GAS2: variants seen among roughly 807,000 people sequenced by gnomAD.
The protein encoded by GAS2 is growth arrest specific 2.
Under a neutral mutation model 37.5 loss-of-function variants are expected in GAS2, and 20 were observed. The observed-to-expected ratio is 0.53, with a 90% CI of 0.37 to 0.77. The LOEUF (loss-of-function observed/expected upper bound fraction) is 0.77, where lower values mean the gene tolerates loss of function less well. Ranked by LOEUF, GAS2 falls within the 30% of genes least tolerant of loss-of-function variation. The pLI is 0.00. For synonymous variants in GAS2, 144 were observed against 132.2 expected (o/e 1.09, Z -0.61); for missense variants, 336 against 373.4 (o/e 0.90, Z 0.82).
intron 1 of GAS2, among the ~76,000 whole-genome samples, chr11:22,659,609 T>G (rs1315763390): frequency 6.6e-6 from 1 of 152,224 alleles, no homozygotes; most frequent in African/African-American, 2.4e-5. Flanking sequence ...TTCTCTGTGA[T>G]GTGGAATCTT....
At chr11:22,638,640 G>A (rs531130370) in intron 1 of GAS2, among the ~76,000 whole-genome samples, 2 of 152,000 alleles carry the variant, frequency 1.3e-5, no homozygotes, top group East Asian at 1.9e-4. Context: ...GCCGTTGCAC[G>A]CAGCTTGCTA....
At chr11:22,754,565 T>C (rs1853920306) in intron 6 of GAS2, among the ~76,000 whole-genome samples, 1 of 151,974 alleles carries the variant, frequency 6.6e-6, no homozygotes, top group African/African-American at 2.4e-5. Flanking sequence ...TAATTGTACA[T>C]GCGATAAATT....
At chr11:22,669,457 A>G (rs1296030742) in intron 1 of GAS2, among the ~76,000 whole-genome samples, 2 of 152,180 alleles carry the variant, frequency 1.3e-5, no homozygotes, top group Non-Finnish European at 1.5e-5. Flanking sequence ...TTTTTAAATC[A>G]TGATTTGAGA....
At position 22,637,168 on chromosome 11, in the gene GAS2, A is replaced by G. The variant is rs959834933; in HGVS notation, c.-21+11355A>G. ...AATATATTACTTATGTTAATATTAT[A>G]TTAATATATTACTTATGTTAATATT... On this transcript the variant is annotated intron_variant, in intron 1 of 5. Transcript: ENST00000528582. 3.8e-3 allele frequency among the ~76,000 whole-genome samples: 474 copies of G among 125,108 alleles called. 24 individuals are homozygous for G. In the East Asian group the frequency reaches 0.1, roughly 27 times the overall value. 82.1% of individuals were successfully genotyped at this position (125,108 alleles called of 152,430 possible).
chr11:22,653,630 G>A (rs1035875635), intron 1 of GAS2, among the ~76,000 whole-genome samples: 4 of 152,152 alleles, frequency 2.6e-5, no homozygotes, highest in African/African-American at 9.7e-5. Context: ...CTCTACTCTA[G>A]TGATATAATA....
intron 5 of GAS2, among the ~76,000 whole-genome samples, chr11:22,745,130 A>AAAAAAAG (rs1853314747): frequency 6.6e-6 from 1 of 150,570 alleles, no homozygotes; most frequent in Non-Finnish European, 1.5e-5. Flanking sequence ...AAAAAAAAAA[A>AAAAAAAG]AAAGAAAGAA....
intron 2 of GAS2, among the ~76,000 whole-genome samples, chr11:22,683,419 C>A (rs1366973324): frequency 1.3e-5 from 2 of 152,090 alleles, no homozygotes; most frequent in Admixed American, 6.6e-5. Flanking sequence ...GCATGTGCCA[C>A]AATACCTGGC....
intron 5 of GAS2, among the ~76,000 whole-genome samples, chr11:22,739,917 C>T (rs979284685): frequency 6.6e-6 from 1 of 151,820 alleles, no homozygotes; most frequent in Non-Finnish European, 1.5e-5. Context: ...ATTTTCCTCC[C>T]ATTTAAGTTT....
At chr11:22,626,435 A>G (rs1042667255) in intron 1 of GAS2, 5 of 154,542 alleles carry the variant, frequency 3.2e-5, no homozygotes, top group African/African-American at 1.2e-4. Context: ...TCACAATTGT[A>G]CATTTCGTTT....
chr11:22,807,112 A>G (rs757861537), intron 7 of GAS2, among the ~76,000 whole-genome samples: 3 of 152,188 alleles, frequency 2.0e-5, no homozygotes, highest in Non-Finnish European at 4.4e-5. Context: ...ACAGAAAAGC[A>G]AAGAAAAAAG....
Position 22,734,101 on chromosome 11 carries a change from A to G in GAS2, c.410-3604A>G, listed in dbSNP as rs953157826. On this transcript the variant is annotated intron_variant, in intron 4 of 7. Transcript: ENST00000454584. ...ACAGTACAATGATAGTTGCCTGTCT[A>G]ATTATCTTGACAAAGGTATACATTC... Among the ~76,000 whole-genome samples the G allele has an allele frequency of 2.6e-5, 4 of 151,784 alleles. No homozygotes were observed. The South Asian group carries it at 8.3e-4, about 31-fold the overall frequency.
chr11:22,692,671 G>A (rs545466766), intron 3 of GAS2, among the ~76,000 whole-genome samples: 1 of 152,244 alleles, frequency 6.6e-6, no homozygotes, highest in African/African-American at 2.4e-5. Flanking sequence ...AGAATGGGAG[G>A]CACATTTGTC....
At chr11:22,672,813 A>G (rs904828777) in intron 1 of GAS2, 10 of 51,560 alleles carry the variant, frequency 1.9e-4, no homozygotes, top group Non-Finnish European at 5.1e-4. Flanking sequence ...AGGACTAGAC[A>G]TATTTTTTTT....
At chr11:22,631,946 CTTTTTTTTT>C (rs35928910) in intron 1 of GAS2, among the ~76,000 whole-genome samples, 1 of 82,968 alleles carries the variant, frequency 1.2e-5, no homozygotes, top group Non-Finnish European at 2.4e-5. Flanking sequence ...TGGCCCTGGA[CTTTTTTTTT>C]TTTTTTTTTT....
At chr11:22,740,452 G>A (rs1214433232) in intron 5 of GAS2, among the ~76,000 whole-genome samples, 2 of 152,006 alleles carry the variant, frequency 1.3e-5, no homozygotes, top group East Asian at 3.8e-4. Flanking sequence ...GTGAACTATT[G>A]TGTACCTTCA....
chr11:22,700,381 T>A (rs1850770282), intron 3 of GAS2, among the ~76,000 whole-genome samples: 1 of 152,194 alleles, frequency 6.6e-6, no homozygotes, highest in Non-Finnish European at 1.5e-5. Context: ...CTCTGCCTGT[T>A]TGCTTAGCTC....
intron 2 of GAS2, among the ~76,000 whole-genome samples, chr11:22,678,284 G>A (rs912656434): frequency 8.2e-6 from 1 of 122,328 alleles, no homozygotes; most frequent in East Asian, 2.8e-4. Context: ...TTATAGTTAT[G>A]TTAGAAGATA....
intron 3 of GAS2, among the ~76,000 whole-genome samples, chr11:22,698,349 A>G (rs1398328351): frequency 1.3e-5 from 2 of 152,092 alleles, no homozygotes; most frequent in Non-Finnish European, 2.9e-5. Context: ...TAGACCAATA[A>G]CAGGCTCTGA....
intron 7 of GAS2, among the ~76,000 whole-genome samples, chr11:22,768,129 T>G (rs1343021673): frequency 6.6e-6 from 1 of 152,234 alleles, no homozygotes; most frequent in Non-Finnish European, 1.5e-5. Context: ...GTCTGCCATC[T>G]TGTTAGAAGC....
Sources: allele counts gnomAD v4.1 joint callset (sites outside exome capture counted in the v4.1 genomes callset), GRCh38; gene constraint gnomAD v4.1.1; transcripts MANE v1.5; gene names NCBI Gene and HGNC (gene_info 2026-07-23, HGNC 2026-07-21).